Variants in SLC71A1 observed in about 807,000 individuals in gnomAD.
The protein encoded by SLC71A1 is solute carrier family 71 member 1, also known as hippocampus abundant gene transcript 1.
At chr1:100,054,111 G>A in the SLC71A1 span, among the ~76,000 whole-genome samples, 1 of 148,960 alleles carries the variant, frequency 6.7e-6, no homozygotes, top group Non-Finnish European at 1.5e-5. Flanking sequence ...GCGTGATCTC[G>A]GCTCACTGCA....
At chr1:100,069,720 G>A in the SLC71A1 span, 1 of 1,406,352 alleles carries the variant, frequency 7.1e-7, no homozygotes, top group Non-Finnish European at 1.0e-6. Context: ...TGATGTCAGT[G>A]ACCCTGGCTG....
the SLC71A1 span, chr1:100,079,627 T>C: frequency 6.6e-6 from 1 of 152,190 alleles, no homozygotes; most frequent in Non-Finnish European, 1.5e-5. Context: ...ATGCCTGTAA[T>C]CTCAGTGCTT....
chr1:100,069,711 G>C, the SLC71A1 span: 1 of 1,470,388 alleles, frequency 6.8e-7, no homozygotes. Flanking sequence ...TAGTTAGAGT[G>C]ATGTCAGTGA....
At chr1:100,042,747 A>G in the SLC71A1 span, among the ~76,000 whole-genome samples, 42 of 152,058 alleles carry the variant, frequency 2.8e-4, no homozygotes, top group Admixed American at 2.8e-3. Context: ...AGCTGGGATT[A>G]CAGGCATGTG....
At chr1:100,074,040 A>G in the SLC71A1 span, among the ~76,000 whole-genome samples, 1 of 152,200 alleles carries the variant, frequency 6.6e-6, no homozygotes, top group African/African-American at 2.4e-5. Flanking sequence ...ATAAATGTAA[A>G]TAAGAGAAAA....
the SLC71A1 span, chr1:100,080,551 G>A: frequency 1.1e-4 from 181 of 1,613,838 alleles, no homozygotes; most frequent in Admixed American, 9.3e-4. Context: ...GTCTGGGACC[G>A]GCCCTCTATG....
At chr1:100,038,137 C>T in the SLC71A1 span, 6 of 1,096,996 alleles carry the variant, frequency 5.5e-6, no homozygotes, top group East Asian at 2.6e-5. Context: ...GCGCCCAGAG[C>T]GGCTCGGCCC....
the SLC71A1 span, chr1:100,059,764 A>G: frequency 2.4e-6 from 2 of 838,372 alleles, no homozygotes; most frequent in South Asian, 2.3e-5. Context: ...AGTTTGTGAT[A>G]TATTTACTTT....
At chr1:100,066,172 A>G in the SLC71A1 span, among the ~76,000 whole-genome samples, 1 of 152,178 alleles carries the variant, frequency 6.6e-6, no homozygotes, top group Non-Finnish European at 1.5e-5. Context: ...CTGTGATTTC[A>G]TTCTTCCTAA....
chr1:100,046,414 C>T, the SLC71A1 span, among the ~76,000 whole-genome samples: 4 of 151,638 alleles, frequency 2.6e-5, no homozygotes, highest in African/African-American at 4.8e-5. Flanking sequence ...TTAGTAGAGA[C>T]GGGGTTTCAC....
chr1:100,077,396 C>A, the SLC71A1 span: 1 of 612,836 alleles, frequency 1.6e-6, no homozygotes, highest in Non-Finnish European at 2.9e-6. Flanking sequence ...TTTTATCTTT[C>A]AAAATGTGTC....
At chr1:100,042,976 C>T in the SLC71A1 span, 1 of 388,910 alleles carries the variant, frequency 2.6e-6, no homozygotes, top group Non-Finnish European at 3.5e-6. Flanking sequence ...GTGTGGCTGG[C>T]AGCATCATTA....
chr1:100,058,780 C>T, the SLC71A1 span: 35,235 of 915,278 alleles, frequency 0.038, 812 homozygotes, highest in African/African-American at 0.059. Flanking sequence ...TACACATACA[C>T]GCACACGGAT....
At chr1:100,080,836 G>A in the SLC71A1 span, among the ~76,000 whole-genome samples, 20 of 152,140 alleles carry the variant, frequency 1.3e-4, no homozygotes, top group Admixed American at 5.9e-4. Flanking sequence ...AATTGGCTGT[G>A]CATATTTTTT....
chr1:100,080,632 C>T, the SLC71A1 span: 6 of 1,614,008 alleles, frequency 3.7e-6, no homozygotes, highest in South Asian at 6.6e-5. Flanking sequence ...TGGGAACAAA[C>T]ACAAGCCCTC....
chr1:100,074,918 G>A, the SLC71A1 span, among the ~76,000 whole-genome samples: 1 of 152,230 alleles, frequency 6.6e-6, no homozygotes, highest in Admixed American at 6.5e-5. Context: ...ATATTCTCCA[G>A]TTAATCTTAT....
the SLC71A1 span, chr1:100,083,072 C>CTTTA: frequency 6.6e-6 from 1 of 152,470 alleles, no homozygotes; most frequent in African/African-American, 2.4e-5. Context: ...CACAGTAACA[C>CTTTA]TTTATTTACA....
chr1:100,056,175 CT>C, the SLC71A1 span, among the ~76,000 whole-genome samples: 2 of 152,302 alleles, frequency 1.3e-5, no homozygotes, highest in Non-Finnish European at 2.9e-5. Flanking sequence ...TCCCACTACC[CT>C]TCCCGGCCTC....
At chr1:100,070,425 A>G in the SLC71A1 span, among the ~76,000 whole-genome samples, 1 of 152,186 alleles carries the variant, frequency 6.6e-6, no homozygotes, top group East Asian at 1.9e-4. Flanking sequence ...AGAGGTAGTG[A>G]GGGACCAGAT....
Sources: allele counts gnomAD v4.1 joint callset (sites outside exome capture counted in the v4.1 genomes callset), GRCh38; gene constraint gnomAD v4.1.1; transcripts MANE v1.5; gene names NCBI Gene and HGNC (gene_info 2026-07-23, HGNC 2026-07-21).